The following CDC42 variants were observed in gnomAD, a reference collection of about 807,000 sequenced individuals.
CDC42 encodes the protein cell division control protein 42 homolog.
Under a neutral mutation model 20.8 loss-of-function variants are expected in CDC42, and 1 was observed. That is an observed-to-expected ratio of 0.05 (90% CI 0.02 to 0.23). The LOEUF (loss-of-function observed/expected upper bound fraction) is 0.23. Among genes scored for constraint, CDC42 ranks in the 10% least tolerant of loss-of-function variants. The pLI is 1.00. For synonymous variants in CDC42, 72 were observed against 84.8 expected (o/e 0.85, Z 0.83); for missense variants, 49 against 227.9 (o/e 0.21, Z 5.05).
At chr1:22,083,530 A>G (rs544984826) in intron 3 of CDC42, among the ~76,000 whole-genome samples, 14 of 151,862 alleles carry the variant, frequency 9.2e-5, no homozygotes, top group African/African-American at 3.1e-4. Context: ...GCTTGAACCC[A>G]GGGGGCGGAG....
At chr1:22,077,939 A>G (rs939417945) in intron 1 of CDC42, among the ~76,000 whole-genome samples, 1 of 152,176 alleles carries the variant, frequency 6.6e-6, no homozygotes, top group Non-Finnish European at 1.5e-5. Flanking sequence ...TTACCGTGTG[A>G]TCGTGTGGTG....
rs1371904452 is a variant in CDC42, at chr1:22,097,102, C to T, written c.*5585C>T. ...AGCTAGTTTAAATCCCTGCATCTTG[C>T]ACATGGTGAGGAAAGGTGAGGACAT... is the stretch of plus-strand genomic sequence containing the variant. On this transcript the variant is annotated 3_prime_UTR_variant, in exon 6 of 6. Coordinates refer to ENST00000656825, the MANE Select transcript of CDC42 (RefSeq NM_001791.4). Among the ~76,000 whole-genome samples, 1 of 152,202 alleles carries T rather than the reference C, an allele frequency of 6.6e-6. No individual in the cohort carries two copies. Among genetic ancestry groups the T allele is most frequent in the East Asian group, 1.9e-4 (1 of 5,196 alleles).
intron 1 of CDC42, among the ~76,000 whole-genome samples, chr1:22,055,832 G>C (rs1245231980): frequency 6.8e-6 from 1 of 147,892 alleles, no homozygotes; most frequent in Non-Finnish European, 1.5e-5. Flanking sequence ...TTTATTTATA[G>C]ATGTATTTTA....
intron 1 of CDC42, among the ~76,000 whole-genome samples, chr1:22,063,069 G>A (rs1369751081): frequency 6.6e-6 from 1 of 152,064 alleles, no homozygotes; most frequent in African/African-American, 2.4e-5. Context: ...GTTCTGCTTA[G>A]CTTTTAGAGT....
intron 1 of CDC42, among the ~76,000 whole-genome samples, chr1:22,061,128 C>T (rs963189060): frequency 8.5e-5 from 13 of 152,138 alleles, no homozygotes; most frequent in South Asian, 2.1e-4. Context: ...GAAACCCAGC[C>T]GGGCAGAGTG....
intron 2 of CDC42, among the ~76,000 whole-genome samples, chr1:22,080,004 C>T (rs1205686874): frequency 6.6e-6 from 1 of 151,948 alleles, no homozygotes; most frequent in Admixed American, 6.6e-5. Flanking sequence ...CTCATGGTAC[C>T]TGTTGAAGTT....
chr1:22,074,611 G>A (rs908864432), intron 1 of CDC42, among the ~76,000 whole-genome samples: 1 of 151,862 alleles, frequency 6.6e-6, no homozygotes, highest in African/African-American at 2.4e-5. Context: ...TAGAGGTCAG[G>A]TCTTAACTAT....
intron 1 of CDC42, among the ~76,000 whole-genome samples, chr1:22,071,409 T>TA (rs1160485920): frequency 6.6e-6 from 1 of 152,226 alleles, no homozygotes; most frequent in Non-Finnish European, 1.5e-5. Flanking sequence ...TCTTCTGTGA[T>TA]ATAGAAGCAA....
At chr1:22,056,840 T>C (rs1220756459) in intron 1 of CDC42, among the ~76,000 whole-genome samples, 1 of 152,256 alleles carries the variant, frequency 6.6e-6, no homozygotes, top group Non-Finnish European at 1.5e-5. Context: ...AGCAGAAAAC[T>C]ATATTGTTCA....
At chr1:22,068,271 A>G (rs1406071965) in intron 1 of CDC42, 1 of 153,210 alleles carries the variant, frequency 6.5e-6, no homozygotes, top group Non-Finnish European at 1.5e-5. Flanking sequence ...CACCATCAGA[A>G]CTAGTTACAA....
In CDC42 at chr1:22,097,501, C is replaced by T. The variant is rs1015820845; in HGVS notation, c.*5984C>T. ...AGGTGATCCGCCCGTTGCGGCCTCC[C>T]TAAGTGCTGGGATTATAGGCGTGAG... is the stretch of plus-strand genomic sequence containing the variant. On this transcript the variant is annotated 3_prime_UTR_variant, in exon 6 of 6. Transcript: ENST00000656825. 1.3e-5 allele frequency among the ~76,000 whole-genome samples: 2 copies of T among 152,222 alleles called. No homozygotes were observed. The highest frequency in any genetic ancestry group is 4.8e-5 in the African/African-American group (2 of 41,450).
chr1:22,085,794 G>A (rs1645655749), intron 3 of CDC42, among the ~76,000 whole-genome samples: 1 of 152,054 alleles, frequency 6.6e-6, no homozygotes, highest in African/African-American at 2.4e-5. Context: ...AGTGGATTTT[G>A]TCATCTGGGT....
chr1:22,085,871 A>G (rs1057089161), intron 3 of CDC42, among the ~76,000 whole-genome samples: 1 of 152,076 alleles, frequency 6.6e-6, no homozygotes, highest in African/African-American at 2.4e-5. Flanking sequence ...TCTGAGATGG[A>G]GTCTCACTCT....
At chr1:22,061,450 C>T (rs1195527744) in intron 1 of CDC42, among the ~76,000 whole-genome samples, 9 of 148,980 alleles carry the variant, frequency 6.0e-5, no homozygotes, top group Admixed American at 1.3e-4. Context: ...ATATCTTCAT[C>T]CTGGAAATCA....
intron 1 of CDC42, among the ~76,000 whole-genome samples, chr1:22,071,343 C>T (rs1645490066): frequency 6.6e-6 from 1 of 151,996 alleles, no homozygotes; most frequent in Non-Finnish European, 1.5e-5. Flanking sequence ...CGCACCCGGT[C>T]GGAACAAGCA....
At chr1:22,064,213 C>G (rs1645396567) in intron 1 of CDC42, 1 of 151,816 alleles carries the variant, frequency 6.6e-6, no homozygotes, top group African/African-American at 2.4e-5. Flanking sequence ...AACAAAAAAC[C>G]TTGTGTTTTC....
chr1:22,053,151 T>TGGGCC (rs1326555730), intron 1 of CDC42: 6 of 148,572 alleles, frequency 4.0e-5, no homozygotes, highest in South Asian at 4.2e-4. Context: ...CGCGGGCGCT[T>TGGGCC]GGGCCGGGCC....
At chr1:22,063,651 C>A (rs533090398) in intron 1 of CDC42, among the ~76,000 whole-genome samples, 8 of 151,958 alleles carry the variant, frequency 5.3e-5, no homozygotes, top group African/African-American at 1.7e-4. Context: ...GCTTTTTTCC[C>A]CTTTAGGACA....
chr1:22,084,335 G>GTTTTTTTTTTTCTTTTTTT (rs1645638001), intron 3 of CDC42, among the ~76,000 whole-genome samples: 1 of 80,690 alleles, frequency 1.2e-5, no homozygotes, highest in African/African-American at 5.0e-5. Flanking sequence ...CTTATTTCCT[G>GTTTTTTTTTTTCTTTTTTT]TTTTTTTTTT....
Sources: allele counts gnomAD v4.1 joint callset (sites outside exome capture counted in the v4.1 genomes callset), GRCh38; gene constraint gnomAD v4.1.1; transcripts MANE v1.5; gene names NCBI Gene and HGNC (gene_info 2026-07-23, HGNC 2026-07-21).